TMTC2: variants seen among roughly 807,000 people sequenced by gnomAD.
TMTC2 encodes the protein protein O-mannosyl-transferase TMTC2.
A neutral mutation model predicts 82.4 loss-of-function variants in TMTC2; 43 were observed. That is an observed-to-expected ratio of 0.52 (90% confidence interval 0.41 to 0.67). TMTC2 has a LOEUF of 0.67. TMTC2 is among the 30% of genes least tolerant of loss of function. The pLI, the probability that TMTC2 is intolerant of heterozygous loss-of-function variation, is 0.00. For missense variants in TMTC2, 919 were observed against 1,012.4 expected (o/e 0.91, Z 1.25); for synonymous variants, 408 against 381.9 (o/e 1.07, Z -0.80).
chr12:82,876,154 G>GTGGTAT (rs1872559911), intron 2 of TMTC2, among the ~76,000 whole-genome samples: 1 of 142,932 alleles, frequency 7.0e-6, no homozygotes, highest in African/African-American at 2.8e-5. Flanking sequence ...GGTGGTGGTG[G>GTGGTAT]TAGTGGTGGT....
chr12:83,065,097 A>G (rs1402538236), intron 11 of TMTC2, among the ~76,000 whole-genome samples: 1 of 151,908 alleles, frequency 6.6e-6, no homozygotes, highest in Non-Finnish European at 1.5e-5. Context: ...TGTTTCTGCA[A>G]TGTTCATGTC....
At chr12:82,773,915 A>G (rs1877446163) in intron 1 of TMTC2, among the ~76,000 whole-genome samples, 1 of 152,088 alleles carries the variant, frequency 6.6e-6, no homozygotes, top group South Asian at 2.1e-4. Context: ...TCTGTGTTGG[A>G]ATGAAAATAA....
At chr12:82,985,763 T>C (rs1879127368) in intron 7 of TMTC2, among the ~76,000 whole-genome samples, 162 bp from the exon 8 acceptor site, 1 of 152,192 alleles carries the variant, frequency 6.6e-6, no homozygotes, top group Non-Finnish European at 1.5e-5. Context: ...AAAATGGGAA[T>C]CATGATGACT....
chr12:82,839,333 T>G (rs1870212423), intron 1 of TMTC2, among the ~76,000 whole-genome samples: 1 of 152,208 alleles, frequency 6.6e-6, no homozygotes, highest in African/African-American at 2.4e-5. Flanking sequence ...CTATCTATTC[T>G]GAGTAGAGTG....
At chr12:82,877,638 T>A (rs10862518) in intron 2 of TMTC2, among the ~76,000 whole-genome samples, 22,136 of 152,136 alleles carry the variant, frequency 0.15, 4,931 homozygotes, top group African/African-American at 0.48. Context: ...TCCTTCCTTA[T>A]AACACTATAT....
intron 4 of TMTC2, among the ~76,000 whole-genome samples, chr12:82,942,351 A>AAT (rs1876768183): frequency 6.6e-6 from 1 of 152,174 alleles, no homozygotes; most frequent in Non-Finnish European, 1.5e-5. Context: ...TGGTTCTTAA[A>AAT]ATATCAGTCT....
At chr12:82,735,440 G>T (rs1875044538) in intron 1 of TMTC2, among the ~76,000 whole-genome samples, 1 of 151,396 alleles carries the variant, frequency 6.6e-6, no homozygotes, top group South Asian at 2.1e-4. Context: ...CCGCCTCCCA[G>T]GTTCATGCCA....
chr12:82,696,798 C>A (rs1292275778), intron 1 of TMTC2, among the ~76,000 whole-genome samples: 1 of 151,982 alleles, frequency 6.6e-6, no homozygotes, highest in African/African-American at 2.4e-5. Context: ...TTAGACCTGG[C>A]CCTCTGATAA....
chr12:82,859,703 A>C (rs1181360873), intron 2 of TMTC2, among the ~76,000 whole-genome samples: 1 of 152,200 alleles, frequency 6.6e-6, no homozygotes, highest in African/African-American at 2.4e-5. Context: ...TTGAGACTAA[A>C]GAGTGTGAAG....
chr12:82,853,139 A>T (rs1049910039), intron 1 of TMTC2, among the ~76,000 whole-genome samples: 1 of 149,838 alleles, frequency 6.7e-6, no homozygotes, highest in Non-Finnish European at 1.5e-5. Context: ...GTCTCACTCT[A>T]TTGCCAAGGC....
intron 1 of TMTC2, among the ~76,000 whole-genome samples, chr12:82,755,932 A>T (rs117483696): frequency 6.6e-6 from 1 of 151,494 alleles, no homozygotes; most frequent in African/African-American, 2.4e-5. Flanking sequence ...CTGTACTAGG[A>T]AAAAAAAACC....
rs116086534 is a variant in TMTC2, at chr12:82,742,854, G to A, written c.83+55185G>A. 2.6e-3 allele frequency among the ~76,000 whole-genome samples: 398 copies of A among 152,124 alleles called. 2 individuals carry two copies. Among genetic ancestry groups the A allele is most frequent in the African/African-American group, 8.5e-3 (352 of 41,520 alleles). On this transcript the variant is annotated intron_variant, in intron 1 of 11. Coordinates refer to ENST00000321196, the MANE Select transcript of TMTC2 (RefSeq NM_152588.3). Reference sequence around the variant, plus strand: ...CTGTATATTCTTCATTCCCTAGATCGAGTCCATTTTTATTAACACCACTTC... The same window carrying A: ...CTGTATATTCTTCATTCCCTAGATCAAGTCCATTTTTATTAACACCACTTC...
chr12:83,023,442 C>A (rs1270565074), intron 8 of TMTC2, among the ~76,000 whole-genome samples: 5 of 152,136 alleles, frequency 3.3e-5, no homozygotes, highest in South Asian at 2.1e-4. Context: ...TCTTTTATTC[C>A]CACTTGGTCA....
At chr12:82,852,144 C>T (rs1374317377) in intron 1 of TMTC2, among the ~76,000 whole-genome samples, 1 of 150,676 alleles carries the variant, frequency 6.6e-6, no homozygotes, top group African/African-American at 2.5e-5. Context: ...CTCTGTCGCC[C>T]AGGCTGGAGT....
chr12:82,914,279 CATAA>C (rs1365067381), intron 3 of TMTC2, among the ~76,000 whole-genome samples: 1 of 151,898 alleles, frequency 6.6e-6, no homozygotes. Flanking sequence ...TTTCTACTCA[CATAA>C]ATATTTTATT....
chr12:82,996,256 A>C (rs746035095), intron 8 of TMTC2, among the ~76,000 whole-genome samples: 4 of 152,156 alleles, frequency 2.6e-5, no homozygotes, highest in Non-Finnish European at 5.9e-5. Flanking sequence ...TCAAATGTGA[A>C]GTTTTGAAGG....
chr12:83,111,850 T>C (rs946802761), intron 11 of TMTC2, among the ~76,000 whole-genome samples: 1 of 151,934 alleles, frequency 6.6e-6, no homozygotes, highest in African/African-American at 2.4e-5. Context: ...TAAAAAATTA[T>C]AATCAGAGAA....
At chr12:83,101,285 C>T (rs1407741559) in intron 11 of TMTC2, among the ~76,000 whole-genome samples, 1 of 152,100 alleles carries the variant, frequency 6.6e-6, no homozygotes, top group Non-Finnish European at 1.5e-5. Context: ...TTTTGTGTTT[C>T]TTCAAGTAAG....
At chr12:82,719,059 TTA>T (rs1271920285) in intron 1 of TMTC2, among the ~76,000 whole-genome samples, 1,219 of 94,416 alleles carry the variant, frequency 0.013, 50 homozygotes, top group Middle Eastern at 0.021. Context: ...TTAGATGATT[TTA>T]TATATATATA....
Sources: allele counts gnomAD v4.1 joint callset (sites outside exome capture counted in the v4.1 genomes callset), GRCh38; gene constraint gnomAD v4.1.1; transcripts MANE v1.5; gene names NCBI Gene and HGNC (gene_info 2026-07-23, HGNC 2026-07-21).